The following AUH variants were observed in gnomAD, a reference collection of about 807,000 sequenced individuals.
AUH encodes the protein AU RNA binding methylglutaconyl-CoA hydratase, also known as methylglutaconyl-CoA hydratase, mitochondrial.
Under a neutral mutation model 42.3 loss-of-function variants are expected in AUH, and 29 were observed. The ratio of observed to expected loss-of-function variants is 0.69; its 90% CI spans 0.51 to 0.93. AUH has a LOEUF of 0.93. Among genes scored for constraint, AUH ranks in the 40% least tolerant of loss-of-function variants. The pLI is 0.00. For missense variants in AUH, 452 were observed against 438.1 expected (o/e 1.03, Z -0.28); for synonymous variants, 174 against 166.4 (o/e 1.05, Z -0.35).
intron 4 of AUH, among the ~76,000 whole-genome samples, chr9:91,324,505 G>GA (rs1304680936): frequency 2.5e-4 from 11 of 43,610 alleles, no homozygotes; most frequent in East Asian, 1.3e-3. Flanking sequence ...CCTGTCTCTA[G>GA]AAAAAATCAA....
chr9:91,278,209 A>C (rs182533579), intron 6 of AUH, among the ~76,000 whole-genome samples: 4 of 152,388 alleles, frequency 2.6e-5, no homozygotes, highest in Non-Finnish European at 5.9e-5. Flanking sequence ...GGATCCAGCA[A>C]TATAGTCACA....
intron 4 of AUH, among the ~76,000 whole-genome samples, chr9:91,313,431 C>T (rs893946794): frequency 2.1e-4 from 32 of 152,184 alleles, no homozygotes; most frequent in Admixed American, 1.1e-3. Context: ...CTTGGCCGGG[C>T]GCGGTGGCTC....
intron 6 of AUH, among the ~76,000 whole-genome samples, chr9:91,271,324 T>C (rs150357382): frequency 6.6e-6 from 1 of 152,374 alleles, no homozygotes; most frequent in Non-Finnish European, 1.5e-5. Context: ...AGACAATTAA[T>C]ACATGCAGCT....
At chr9:91,275,061 T>C (rs1587744035) in intron 6 of AUH, among the ~76,000 whole-genome samples, 1 of 152,332 alleles carries the variant, frequency 6.6e-6, no homozygotes, top group East Asian at 1.9e-4. Flanking sequence ...GTAACAATGA[T>C]GACTAGTACA....
At chr9:91,221,449 C>T (rs181505268) in intron 6 of AUH, among the ~76,000 whole-genome samples, 4 of 152,284 alleles carry the variant, frequency 2.6e-5, no homozygotes, top group East Asian at 1.9e-4. Context: ...TCCTTTATGG[C>T]GAATACATTG....
At chr9:91,289,386 C>A (rs1826675018) in intron 6 of AUH, among the ~76,000 whole-genome samples, 1 of 152,174 alleles carries the variant, frequency 6.6e-6, no homozygotes, top group South Asian at 2.1e-4. Flanking sequence ...AGCACCTGCT[C>A]ATCTGGAAAA....
intron 2 of AUH, 30 bp from the exon 3 acceptor site, chr9:91,356,000 A>AAAGAG: frequency 6.2e-7 from 1 of 1,604,472 alleles, no homozygotes; most frequent in Non-Finnish European, 8.5e-7. Context: ...ATAGGAGGAA[A>AAAGAG]AAGAGAAAAA....
At chr9:91,333,168 G>A (rs1830453954) in intron 3 of AUH, among the ~76,000 whole-genome samples, 1 of 152,196 alleles carries the variant, frequency 6.6e-6, no homozygotes, top group South Asian at 2.1e-4. Context: ...CGGCCAAAAG[G>A]AGGTCACAGT....
At chr9:91,346,019 T>TA (rs1025205072) in intron 3 of AUH, among the ~76,000 whole-genome samples, 3 of 151,844 alleles carry the variant, frequency 2.0e-5, no homozygotes, top group Non-Finnish European at 4.4e-5. Context: ...ATAAAAAAAA[T>TA]ACTTCGTCGT....
At position 91,217,268 on chromosome 9, in the gene AUH, G is replaced by A; in HGVS notation, c.894+9C>T. 1 of 1,612,702 alleles carries A rather than the reference G, an allele frequency of 6.2e-7. No individual in the cohort carries two copies. The highest frequency in any genetic ancestry group is 8.5e-7 in the Non-Finnish European group (1 of 1,178,920). ...TTCCCAAAACAAACTCAAGCATTAA[G>A]GAACCTACCTCCATCCCTTGATTAA... On this transcript the variant is annotated intron_variant, in intron 8 of 9. Coordinates refer to ENST00000375731, the MANE Select transcript of AUH (RefSeq NM_001698.3).
At chr9:91,223,196 A>G (rs1735118232) in intron 6 of AUH, among the ~76,000 whole-genome samples, 1 of 152,192 alleles carries the variant, frequency 6.6e-6, no homozygotes, top group African/African-American at 2.4e-5. Context: ...AAAACAATGC[A>G]TCACAGGAAC....
intron 6 of AUH, among the ~76,000 whole-genome samples, chr9:91,242,423 C>T (rs1440332924): frequency 6.6e-6 from 1 of 152,180 alleles, no homozygotes; most frequent in Non-Finnish European, 1.5e-5. Context: ...AAAATCATCC[C>T]TCATTCTTTC....
At chr9:91,310,487 T>C (rs1199197117) in intron 4 of AUH, among the ~76,000 whole-genome samples, 1 of 152,232 alleles carries the variant, frequency 6.6e-6, no homozygotes, top group Admixed American at 6.5e-5. Context: ...CTCATGGTTC[T>C]TGCAATGGGG....
chr9:91,326,618 AC>A (rs1352053124), intron 3 of AUH, among the ~76,000 whole-genome samples: 2 of 152,236 alleles, frequency 1.3e-5, no homozygotes, highest in Non-Finnish European at 2.9e-5. Flanking sequence ...AATTTTAAAA[AC>A]AATAATGCTA....
At chr9:91,223,062 C>A (rs1284367667) in intron 6 of AUH, among the ~76,000 whole-genome samples, 1 of 152,198 alleles carries the variant, frequency 6.6e-6, no homozygotes, top group African/African-American at 2.4e-5. Context: ...GTCCCTTAAG[C>A]TGAGGGGTAG....
At chr9:91,273,988 T>A (rs1825357735) in intron 6 of AUH, among the ~76,000 whole-genome samples, 1 of 152,186 alleles carries the variant, frequency 6.6e-6, no homozygotes, top group Admixed American at 6.5e-5. Flanking sequence ...CTTTTGAGTC[T>A]AAGGATTAAA....
chr9:91,256,592 G>A (rs1440544553), intron 6 of AUH, among the ~76,000 whole-genome samples: 1 of 152,044 alleles, frequency 6.6e-6, no homozygotes, highest in Non-Finnish European at 1.5e-5. Flanking sequence ...CACCTTGGGG[G>A]TAGGAGGGTG....
chr9:91,294,939 C>T (rs1827198012), intron 6 of AUH: 5 of 354,334 alleles, frequency 1.4e-5, no homozygotes, highest in Non-Finnish European at 2.8e-5. Context: ...GCTGTGTCCC[C>T]ACCCAAATCT....
intron 3 of AUH, among the ~76,000 whole-genome samples, chr9:91,327,772 C>A (rs1193276815): frequency 1.3e-5 from 2 of 152,214 alleles, no homozygotes; most frequent in African/African-American, 4.8e-5. Flanking sequence ...TGAAGAGCTG[C>A]AACATTTCTG....
Sources: allele counts gnomAD v4.1 joint callset (sites outside exome capture counted in the v4.1 genomes callset), GRCh38; gene constraint gnomAD v4.1.1; transcripts MANE v1.5; gene names NCBI Gene and HGNC (gene_info 2026-07-23, HGNC 2026-07-21).